FGF12: variants seen among roughly 807,000 people sequenced by gnomAD.
The protein encoded by FGF12 is fibroblast growth factor 12B.
FGF12 carries 14 observed loss-of-function variants against 23.6 expected under a neutral mutation model. The observed-to-expected ratio is 0.59, with a 90% CI of 0.39 to 0.93. The LOEUF (loss-of-function observed/expected upper bound fraction) is 0.93, where lower values mean the gene tolerates loss of function less well. Ranked by LOEUF, FGF12 falls within the 40% of genes least tolerant of loss-of-function variation. The probability of loss-of-function intolerance (pLI) is 0.00; values close to 1 mark genes in which losing one functional copy is unlikely to be tolerated. For synonymous variants in FGF12, 62 were observed against 77.3 expected (o/e 0.80, Z 1.04); for missense variants, 175 against 217.8 (o/e 0.80, Z 1.24).
intron 2 of FGF12, among the ~76,000 whole-genome samples, chr3:192,439,747 T>C (rs1019016401): frequency 4.6e-5 from 7 of 151,842 alleles, no homozygotes; most frequent in Admixed American, 3.3e-4. Flanking sequence ...GAGGCCAAGG[T>C]GGGTGAATCA....
At chr3:192,658,087 TTAAC>T (rs1360915793) in intron 2 of FGF12, among the ~76,000 whole-genome samples, 1 of 152,154 alleles carries the variant, frequency 6.6e-6, no homozygotes, top group African/African-American at 2.4e-5. Flanking sequence ...GCTGTGAAGT[TTAAC>T]TAGGACAAAA....
At chr3:192,558,006 T>G (rs192469747) in intron 2 of FGF12, among the ~76,000 whole-genome samples, 194 of 151,958 alleles carry the variant, frequency 1.3e-3, no homozygotes, top group Non-Finnish European at 1.7e-3. Flanking sequence ...CTGAGATCTG[T>G]AAGAAGGCAA....
chr3:192,600,659 A>C (rs1439928602), intron 2 of FGF12, among the ~76,000 whole-genome samples: 2 of 152,176 alleles, frequency 1.3e-5, no homozygotes, highest in Non-Finnish European at 2.9e-5. Flanking sequence ...ATTTTTCAAA[A>C]GAAGATATGC....
At chr3:192,657,455 A>G (rs2108681326) in intron 2 of FGF12, among the ~76,000 whole-genome samples, 1 of 151,412 alleles carries the variant, frequency 6.6e-6, no homozygotes, top group African/African-American at 2.4e-5. Context: ...AGAACTGTAA[A>G]ACAAGCTCCT....
intron 2 of FGF12, among the ~76,000 whole-genome samples, chr3:192,637,889 C>T (rs1222544549): frequency 2.0e-5 from 3 of 152,252 alleles, no homozygotes; most frequent in South Asian, 2.1e-4. Flanking sequence ...CAAGTATAAT[C>T]GTCCAATTTA....
intron 4 of FGF12, among the ~76,000 whole-genome samples, chr3:192,289,558 T>C (rs1522273): frequency 0.42 from 64,551 of 152,014 alleles, 14,619 homozygotes; most frequent in East Asian, 0.94. Context: ...ACTGGAATCT[T>C]GCTGGGTACT....
chr3:192,421,953 A>G (rs1361314432), intron 2 of FGF12, among the ~76,000 whole-genome samples: 1 of 152,040 alleles, frequency 6.6e-6, no homozygotes, highest in Non-Finnish European at 1.5e-5. Flanking sequence ...AAATATGAAG[A>G]TGTCTATTAA....
At chr3:192,712,003 C>A (rs181306071) in intron 2 of FGF12, among the ~76,000 whole-genome samples, 4 of 147,566 alleles carry the variant, frequency 2.7e-5, no homozygotes, top group Non-Finnish European at 6.0e-5. Flanking sequence ...TAGAAAATAT[C>A]GCATCTGTGA....
At chr3:192,543,765 A>G (rs767245376) in intron 2 of FGF12, among the ~76,000 whole-genome samples, 4 of 152,172 alleles carry the variant, frequency 2.6e-5, no homozygotes, top group Non-Finnish European at 5.9e-5. Flanking sequence ...CCTTCAAGGC[A>G]GTGGATTCCC....
At chr3:192,157,928 G>C (rs778249151) in intron 5 of FGF12, among the ~76,000 whole-genome samples, 6 of 152,048 alleles carry the variant, frequency 3.9e-5, no homozygotes, top group Non-Finnish European at 7.4e-5. Context: ...GATACTTTTA[G>C]TGGCCTGTTT....
chr3:192,470,148 G>C (rs938134863), intron 2 of FGF12, among the ~76,000 whole-genome samples: 4 of 151,984 alleles, frequency 2.6e-5, no homozygotes, highest in Non-Finnish European at 5.9e-5. Flanking sequence ...AATCATCAAA[G>C]GCCAATAATA....
At chr3:192,477,404 A>C (rs1221254129) in intron 2 of FGF12, among the ~76,000 whole-genome samples, 2 of 152,224 alleles carry the variant, frequency 1.3e-5, no homozygotes, top group Non-Finnish European at 2.9e-5. Flanking sequence ...TATCTGGCTC[A>C]AAGTCTTCCC....
intron 2 of FGF12, among the ~76,000 whole-genome samples, chr3:192,362,150 GC>G (rs1351557846): frequency 2.6e-5 from 4 of 152,126 alleles, no homozygotes; most frequent in Non-Finnish European, 4.4e-5. Context: ...TGTCTTCAAT[GC>G]ATTTCCTCCA....
intron 4 of FGF12, among the ~76,000 whole-genome samples, chr3:192,184,747 A>G (rs1209418029): frequency 6.6e-6 from 1 of 152,250 alleles, no homozygotes; most frequent in Non-Finnish European, 1.5e-5. Context: ...TCCTCAAAGC[A>G]TCTTTGCAGA....
At chr3:192,447,975 C>T (rs959706245) in intron 2 of FGF12, among the ~76,000 whole-genome samples, 6 of 152,180 alleles carry the variant, frequency 3.9e-5, no homozygotes, top group African/African-American at 1.4e-4. Context: ...ACTTCACAGC[C>T]CTTTTTGCCT....
chr3:192,266,743 A>C (rs964630022), intron 4 of FGF12, among the ~76,000 whole-genome samples: 1 of 151,840 alleles, frequency 6.6e-6, no homozygotes, highest in South Asian at 2.1e-4. Context: ...TACTAACCCG[A>C]ATGGCTTTAT....
chr3:192,230,205 C>T (rs374367384), intron 4 of FGF12, among the ~76,000 whole-genome samples: 1 of 152,066 alleles, frequency 6.6e-6, no homozygotes, highest in Non-Finnish European at 1.5e-5. Flanking sequence ...CTTTCAAGAT[C>T]CACTTTTATC....
intron 2 of FGF12, among the ~76,000 whole-genome samples, chr3:192,543,989 T>C (rs1725435368): frequency 6.6e-6 from 1 of 152,186 alleles, no homozygotes; most frequent in South Asian, 2.1e-4. Flanking sequence ...GGGGAACGGA[T>C]AGTGCAAGCA....
chr3:192,374,311 T>C (rs182884512), intron 2 of FGF12, among the ~76,000 whole-genome samples: 4 of 152,346 alleles, frequency 2.6e-5, no homozygotes, highest in African/African-American at 7.2e-5. Flanking sequence ...TAATCCATTC[T>C]TTCCATGGAT....
Sources: gnomAD v4.1 joint callset for allele counts (sites outside exome capture counted in the v4.1 genomes callset) on GRCh38, gnomAD v4.1.1 for gene constraint, MANE v1.5 for transcripts, NCBI Gene and HGNC (gene_info 2026-07-23, HGNC 2026-07-21) for gene names.